NLRP11: variants seen among roughly 807,000 people sequenced by gnomAD.
NLRP11 encodes the protein NLR family pyrin domain containing 11.
A neutral mutation model predicts 79.3 loss-of-function variants in NLRP11; 53 were observed. The ratio of observed to expected loss-of-function variants is 0.67; its 90% CI spans 0.54 to 0.84. The LOEUF is 0.84. Among genes scored for constraint, NLRP11 ranks in the 40% least tolerant of loss-of-function variants. The pLI, the probability that NLRP11 is intolerant of heterozygous loss-of-function variation, is 0.00. For synonymous variants in NLRP11, 518 were observed against 462.6 expected (o/e 1.12, Z -1.54); for missense variants, 1,264 against 1,255.0 (o/e 1.01, Z -0.11).
At chr19:55,789,185 T>C in intron 8 of NLRP11, 44 bp downstream of exon 8, 1 of 1,564,054 alleles carries the variant, frequency 6.4e-7, no homozygotes, top group Non-Finnish European at 8.7e-7. Flanking sequence ...TTTCTTCAGC[T>C]GTTGCTAGCT....
Position 55,809,867 on chromosome 19 carries a change from T to TTAC in NLRP11, c.740_742dup (p.Ser247dup). 1.2e-6 allele frequency: 2 copies of TTAC among 1,614,180 alleles called. No individual in the cohort carries two copies. The highest frequency in any genetic ancestry group is 1.7e-6 in the Non-Finnish European group (2 of 1,180,022). On this transcript the variant is annotated inframe_insertion, in exon 3 of 10. Coordinates refer to ENST00000589093, the Ensembl canonical transcript of NLRP11. This position sits in a 1 kb window ranked among gnomAD's most constrained non-coding sequence, Gnocchi z 4.5. Reference sequence around the variant, plus strand: ...TGGAATGGGAACTTTCTGGGTGCTGTTACTACACAAAGCACTTTCATTGAC... The same window carrying TTAC: ...TGGAATGGGAACTTTCTGGGTGCTGTTACTACTACACAAAGCACTTTCATTGAC...
At chr19:55,795,938 C>G in intron 6 of NLRP11, 142 bp downstream of exon 6, 1 of 707,420 alleles carries the variant, frequency 1.4e-6, no homozygotes. Flanking sequence ...GAGTATTAAC[C>G]CAGACCTACT....
chr19:55,822,958 C>T (rs929518353), intron 1 of NLRP11, among the ~76,000 whole-genome samples: 5 of 152,130 alleles, frequency 3.3e-5, no homozygotes, highest in Admixed American at 6.5e-5. Context: ...CCTCTGGGGG[C>T]AGGGCACAGA....
intron 1 of NLRP11, among the ~76,000 whole-genome samples, chr19:55,819,307 A>C (rs958673993): frequency 7.9e-5 from 12 of 152,072 alleles, no homozygotes; most frequent in African/African-American, 2.7e-4. Context: ...GACATGCCCC[A>C]CACACAAACC....
chr19:55,815,448 G>C (rs1318509676), intron 2 of NLRP11, among the ~76,000 whole-genome samples: 1 of 146,720 alleles, frequency 6.8e-6, no homozygotes, highest in African/African-American at 2.6e-5. Flanking sequence ...AGAATCACTC[G>C]AACCTAGGAG....
At chr19:55,797,674 G>A (rs1446771494) in intron 5 of NLRP11, among the ~76,000 whole-genome samples, 3 of 152,188 alleles carry the variant, frequency 2.0e-5, no homozygotes, top group East Asian at 1.9e-4. Flanking sequence ...CTGAGCCATC[G>A]TACTTGGCCT....
chr19:55,827,707 C>T (rs1257622663), intron 1 of NLRP11, among the ~76,000 whole-genome samples: 1 of 151,532 alleles, frequency 6.6e-6, no homozygotes, highest in Non-Finnish European at 1.5e-5. Flanking sequence ...AAATCAAAAC[C>T]ACAATGAGAT....
At position 55,809,826 on chromosome 19, in the gene NLRP11, A is replaced by G. The variant is rs1326470359; in HGVS notation, c.784T>C (p.Leu262=). 5 of 1,614,072 alleles carry G rather than the reference A, an allele frequency of 3.1e-6. No homozygotes were observed. Among genetic ancestry groups the G allele is most frequent in the Admixed American group, 1.7e-5 (1 of 60,002 alleles). The change falls in exon 3 of 10, where the codon TTG becomes CTG. Residue 262 remains leucine, a synonymous_variant. Transcript: ENST00000589093. This position sits in a 1 kb window ranked among gnomAD's most constrained non-coding sequence, Gnocchi z 4.5. ...CCTGGAGCCATTTTTCTCTTCAGCA[A>G]ACTGACCAGGAGAACTGGAATGGGA...
intron 7 of NLRP11, among the ~76,000 whole-genome samples, chr19:55,791,311 C>T (rs1990222669): frequency 6.6e-6 from 1 of 152,142 alleles, no homozygotes; most frequent in South Asian, 2.1e-4. Flanking sequence ...TATTATTTTC[C>T]CCAAGGCAGC....
At chr19:55,799,351 T>C (rs1182642925) in intron 5 of NLRP11, among the ~76,000 whole-genome samples, 1 of 151,934 alleles carries the variant, frequency 6.6e-6, no homozygotes, top group East Asian at 1.9e-4. Flanking sequence ...TACCTAAGAG[T>C]CTTCATCACA....
rs1344217405 is a variant in NLRP11 at position 55,792,406 on chromosome 19, GGGCTGAA to G, written c.2401_2407del (p.Phe801GlnfsTer3). 6.2e-6 allele frequency: 10 copies of G among 1,613,954 alleles called. No individual in the cohort carries two copies. The highest frequency in any genetic ancestry group is 8.5e-6 in the Non-Finnish European group (10 of 1,179,834). On this transcript the variant is annotated frameshift_variant, in exon 7 of 10. Coordinates refer to ENST00000589093, the Ensembl canonical transcript of NLRP11. LOFTEE classifies it high-confidence loss of function. ...ACACAGGTCTAGTTGTCTTAGAGTT[GGGCTGAA>G]CAGAAGCACTCTTCCAAGGGCGCTG... is the stretch of plus-strand genomic sequence containing the variant.
upstream of NLRP11, among the ~76,000 whole-genome samples, chr19:55,833,555 G>A (rs1250531776): frequency 6.6e-6 from 1 of 151,880 alleles, no homozygotes; most frequent in Non-Finnish European, 1.5e-5. Context: ...CAGAAGGTCA[G>A]AAGATCGAGA....
chr19:55,830,227 G>A (rs913419337), intron 1 of NLRP11, among the ~76,000 whole-genome samples: 1 of 152,018 alleles, frequency 6.6e-6, no homozygotes, highest in African/African-American at 2.4e-5. Flanking sequence ...GCCTCACCAA[G>A]TCCAACCCTT....
Position 55,818,063 on chromosome 19 carries a change from T to A in NLRP11, c.112A>T (p.Lys38Ter). ...TGTATCAGTGGAAACTGTGGCAGTT[T>A]GAAATCAAGAATCTTGCGTGCCAGA... Residue 38 changes from lysine (K) to a stop codon, truncating the protein, a stop_gained, in exon 2 of 10, where the codon AAA (lysine) becomes TAA (stop). Transcript: ENST00000589093. LOFTEE classifies it high-confidence loss of function. The A allele has an allele frequency of 6.2e-7, 1 of 1,614,172 alleles. No individual in the cohort carries two copies. Among genetic ancestry groups the A allele is most frequent in the Non-Finnish European group, 8.5e-7 (1 of 1,180,022 alleles).
intron 9 of NLRP11, among the ~76,000 whole-genome samples, chr19:55,786,387 T>C (rs1196072558): frequency 6.6e-6 from 1 of 151,956 alleles, no homozygotes; most frequent in Non-Finnish European, 1.5e-5. Flanking sequence ...TAGCCGGGTG[T>C]GGTGGTGCGT....
chr19:55,819,556 G>C (rs559477975), intron 1 of NLRP11, among the ~76,000 whole-genome samples: 7 of 152,178 alleles, frequency 4.6e-5, no homozygotes, highest in Non-Finnish European at 1.0e-4. Context: ...CAAAGGTAGA[G>C]AAAGAAGATC....
chr19:55,821,205 T>TCACACACACA (rs950312294), intron 1 of NLRP11, among the ~76,000 whole-genome samples: 2 of 85,218 alleles, frequency 2.3e-5, no homozygotes, highest in African/African-American at 5.8e-5. Flanking sequence ...TCTCTCTCTC[T>TCACACACACA]CACACACACA....
chr19:55,785,935 A>G, intron 9 of NLRP11, 64 bp from the exon 10 acceptor site: 2 of 1,524,844 alleles, frequency 1.3e-6, no homozygotes, highest in Non-Finnish European at 1.8e-6. Flanking sequence ...TTGTTGCATC[A>G]ATGACTAATT....
chr19:55,804,924 G>T (rs58062242), intron 4 of NLRP11, among the ~76,000 whole-genome samples: 2 of 151,924 alleles, frequency 1.3e-5, no homozygotes, highest in Non-Finnish European at 2.9e-5. Context: ...TTAGCCAGGC[G>T]TGGTGGCGTG....
Sources: gnomAD v4.1 joint callset for allele counts (sites outside exome capture counted in the v4.1 genomes callset) on GRCh38, gnomAD v4.1.1 for gene constraint, Gnocchi (gnomAD v3.1) non-coding constraint, MANE v1.5 for transcripts, NCBI Gene and HGNC (gene_info 2026-07-23, HGNC 2026-07-21) for gene names.